The following ASXL3 variants were observed in gnomAD, a reference collection of about 807,000 sequenced individuals.
ASXL3 encodes the protein ASXL transcriptional regulator 3, also known as putative Polycomb group protein ASXL3.
ASXL3 carries 34 observed loss-of-function variants against 170.6 expected under a neutral mutation model. The observed-to-expected ratio is 0.20, with a 90% confidence interval of 0.15 to 0.27. The LOEUF is 0.27. ASXL3 is among the 10% of genes least tolerant of loss of function. The pLI, the probability that ASXL3 is intolerant of heterozygous loss-of-function variation, is 1.00. For synonymous variants in ASXL3, 1,002 were observed against 989.1 expected (o/e 1.01, Z -0.24); for missense variants, 2,592 against 2,695.3 (o/e 0.96, Z 0.85).
chr18:33,700,235 A>T (rs1208309742), intron 8 of ASXL3, among the ~76,000 whole-genome samples: 1 of 152,106 alleles, frequency 6.6e-6, no homozygotes. Context: ...AGTAATCAAG[A>T]TAAAAATAGG....
chr18:33,713,243 G>T (rs143896557), intron 8 of ASXL3, among the ~76,000 whole-genome samples: 17,981 of 44,736 alleles, frequency 0.4, 4,511 homozygotes, highest in East Asian at 0.82. Flanking sequence ...TTTTTGTTTT[G>T]TTTTGTTTTT....
chr18:33,672,346 C>G (rs1364674367), intron 7 of ASXL3, among the ~76,000 whole-genome samples: 1 of 152,088 alleles, frequency 6.6e-6, no homozygotes, highest in Non-Finnish European at 1.5e-5. Flanking sequence ...TAGTGCCTGT[C>G]TGAAAAAATG....
intron 8 of ASXL3, among the ~76,000 whole-genome samples, chr18:33,701,050 T>C (rs932599844): frequency 6.7e-6 from 1 of 148,928 alleles, no homozygotes. Context: ...GTTTTTTGTC[T>C]TTTTTTTTTA....
chr18:33,732,205 A>G lies in ASXL3; in HGVS notation c.976+141A>G, dbSNP rs1184770507. 1.9e-5 allele frequency: 9 copies of G among 473,494 alleles called. No homozygotes were observed. In the Admixed American group the frequency reaches 2.0e-4, roughly 11 times the overall value. 29.3% of individuals were successfully genotyped at this position (473,494 alleles called of 1,614,324 possible). ...AAAAACTCATATCCCTTTCCAAATG[A>G]GTTCACTGATTCTTTTGTTATACTT... On this transcript the variant is annotated intron_variant, in intron 9 of 11. Coordinates refer to ENST00000269197, the MANE Select transcript of ASXL3 (RefSeq NM_030632.3).
chr18:33,706,631 C>T (rs1423259604), intron 8 of ASXL3, among the ~76,000 whole-genome samples: 1 of 151,676 alleles, frequency 6.6e-6, no homozygotes, highest in Non-Finnish European at 1.5e-5. Flanking sequence ...TGGATATCCC[C>T]ATTTGTATAT....
At chr18:33,664,343 A>C (rs567061909) in intron 5 of ASXL3, among the ~76,000 whole-genome samples, 2 of 152,302 alleles carry the variant, frequency 1.3e-5, no homozygotes, top group South Asian at 2.1e-4. Context: ...TTTTGATGCT[A>C]TCCAAGAAAA....
intron 4 of ASXL3, among the ~76,000 whole-genome samples, chr18:33,654,296 A>T (rs2066048012): frequency 6.6e-6 from 1 of 152,060 alleles, no homozygotes; most frequent in African/African-American, 2.4e-5. Flanking sequence ...TCAATTACAC[A>T]TCTTAACTAG....
Position 33,745,421 on chromosome 18 carries a change from C to T in ASXL3, c.5573C>T (p.Pro1858Leu). 1 of 1,613,948 alleles carries T rather than the reference C, an allele frequency of 6.2e-7. No individual in the cohort carries two copies. Among genetic ancestry groups the T allele is most frequent in the South Asian group, 1.1e-5 (1 of 91,064 alleles). The change falls in exon 12 of 12, where the codon CCT becomes CTT. Residue 1858 changes from proline to leucine, a missense_variant. Physicochemically the swap from Pro to Leu is moderately conservative, Grantham distance 98. Coordinates refer to ENST00000269197, the MANE Select transcript of ASXL3 (RefSeq NM_030632.3). ...LLVEPDVKGVPCVISSGISQL... is the reference protein window; with the variant it reads ...LLVEPDVKGVLCVISSGISQL... ...GTGGAGCCAGATGTTAAAGGGGTGC[C>T]TTGTGTCATCAGTTCCGGCATCAGT...
In ASXL3 at chr18:33,683,310, T is replaced by C. The variant is rs1004110864; in HGVS notation, c.716-95T>C. On this transcript the variant is annotated intron_variant, in intron 7 of 11. Coordinates refer to ENST00000269197, the MANE Select transcript of ASXL3 (RefSeq NM_030632.3). ...AAGTAAACATAAAATTGAATATACA[T>C]GTTCACTAGATATATGTGGCTGTGT... The C allele has an allele frequency of 6.5e-6, 7 of 1,069,452 alleles. No homozygotes were observed. In the African/African-American group the frequency reaches 1.1e-4, roughly 17 times the overall value. The allele number at this position is 1,069,452 out of a possible 1,614,324, so 66.2% of individuals were successfully genotyped here. A position where few individuals can be genotyped will look rare whatever the true frequency, so the allele number is the denominator to read the frequency against.
chr18:33,578,779 C>G (rs555840143), intron 1 of ASXL3, 94 bp downstream of exon 1: 1 of 788,056 alleles, frequency 1.3e-6, no homozygotes, highest in East Asian at 7.4e-5. Flanking sequence ...CCACTTCCAG[C>G]CCGAGCCGCC....
At chr18:33,597,588 C>T (rs1004140395) in intron 1 of ASXL3, among the ~76,000 whole-genome samples, 2 of 151,930 alleles carry the variant, frequency 1.3e-5, no homozygotes, top group African/African-American at 2.4e-5. Flanking sequence ...AGTGAGACTG[C>T]CTACCTTTTA....
intron 4 of ASXL3, among the ~76,000 whole-genome samples, chr18:33,651,473 G>T (rs1323800251): frequency 1.3e-5 from 2 of 151,972 alleles, no homozygotes; most frequent in African/African-American, 2.4e-5. Context: ...GGGAGAGAGG[G>T]AGTGGGAGAT....
intron 8 of ASXL3, among the ~76,000 whole-genome samples, chr18:33,726,911 C>G (rs895601258): frequency 3.3e-5 from 5 of 152,144 alleles, no homozygotes; most frequent in Admixed American, 2.0e-4. Flanking sequence ...CTCCAAGGGC[C>G]TCTGTGCAAG....
chr18:33,717,416 CTCA>C (rs971936063), intron 8 of ASXL3, among the ~76,000 whole-genome samples: 5 of 152,052 alleles, frequency 3.3e-5, no homozygotes, highest in African/African-American at 1.2e-4. Flanking sequence ...ATGTTTACTC[CTCA>C]TATGTTAGGT....
chr18:33,645,428 A>G (rs1401409804), intron 3 of ASXL3, among the ~76,000 whole-genome samples: 2 of 151,938 alleles, frequency 1.3e-5, no homozygotes, highest in Non-Finnish European at 2.9e-5. Context: ...AAAACATTGA[A>G]TTAAATCTAG....
intron 8 of ASXL3, among the ~76,000 whole-genome samples, chr18:33,691,046 C>CT (rs1265118646): frequency 6.6e-6 from 1 of 152,162 alleles, no homozygotes; most frequent in Non-Finnish European, 1.5e-5. Context: ...GCTTACAATG[C>CT]TTTAAGCCTC....
intron 1 of ASXL3, among the ~76,000 whole-genome samples, chr18:33,604,809 C>T (rs2065226197): frequency 6.6e-6 from 1 of 151,906 alleles, no homozygotes; most frequent in African/African-American, 2.4e-5. Context: ...TTTTATTGCC[C>T]TACTACTAAC....
Position 33,743,633 on chromosome 18 carries a change from C to G in ASXL3, c.3785C>G (p.Ser1262Cys). Residue 1262 changes from serine to cysteine, a missense_variant, in exon 12 of 12, where the codon TCT becomes TGT. Around this residue, in one of 4 missense-constraint regions of ASXL3, gnomAD observed 2,246 missense variants for 2,219.6 expected, o/e 1.01. Transcript: ENST00000269197. ...HPFVSSVDKSSVLMSVDSANT... is the reference protein window; with the variant it reads ...HPFVSSVDKSCVLMSVDSANT... ...TTTGTGAGTTCTGTTGATAAATCCT[C>G]TGTCCTAATGTCTGTTGACAGTGCA... 1 of 1,613,670 alleles carries G rather than the reference C, an allele frequency of 6.2e-7. No homozygotes were observed. Among genetic ancestry groups the G allele is most frequent in the Non-Finnish European group, 8.5e-7 (1 of 1,179,854 alleles).
At chr18:33,661,173 G>C (rs1383844949) in intron 4 of ASXL3, among the ~76,000 whole-genome samples, 1 of 152,110 alleles carries the variant, frequency 6.6e-6, no homozygotes, top group Non-Finnish European at 1.5e-5. Context: ...TAGTAAGGCT[G>C]TTAAGTAGAA....
Sources: allele counts gnomAD v4.1 joint callset (sites outside exome capture counted in the v4.1 genomes callset), GRCh38; gene constraint gnomAD v4.1.1; regional missense constraint gnomAD v4.1.1; transcripts MANE v1.5; gene names NCBI Gene and HGNC (gene_info 2026-07-23, HGNC 2026-07-21).